The following CADM2 variants were observed in gnomAD, a reference collection of about 807,000 sequenced individuals.
CADM2 encodes the protein cell adhesion molecule 2, also known as immunoglobulin superfamily member 4D.
A neutral mutation model predicts 49.8 loss-of-function variants in CADM2; 12 were observed. The ratio of observed to expected loss-of-function variants is 0.24; its 90% CI spans 0.15 to 0.39. The LOEUF is 0.39. Among genes scored for constraint, CADM2 ranks in the 10% least tolerant of loss-of-function variants. The pLI, the probability that CADM2 is intolerant of heterozygous loss-of-function variation, is 1.00. For synonymous variants in CADM2, 214 were observed against 175.4 expected (o/e 1.22, Z -1.74); for missense variants, 378 against 492.3 (o/e 0.77, Z 2.20).
chr3:85,314,184 T>G (rs972666310), intron 1 of CADM2, among the ~76,000 whole-genome samples: 2 of 152,176 alleles, frequency 1.3e-5, no homozygotes, highest in Non-Finnish European at 1.5e-5. Flanking sequence ...CACCGCGCCC[T>G]GCCTGTACAT....
rs945187623 is a variant in CADM2 at position 86,025,069 on chromosome 3, T to C, written c.971-40536T>C. ...AGTTGTTTTTTTTTGTTTTGTTTTGTTTTGGAGACGGAGTCTCTCTCTGTC... is the reference window on the plus strand; with the variant it reads ...AGTTGTTTTTTTTTGTTTTGTTTTGCTTTGGAGACGGAGTCTCTCTCTGTC... On this transcript the variant is annotated intron_variant, in intron 8 of 9. Coordinates refer to ENST00000383699, the MANE Select transcript of CADM2 (RefSeq NM_001167675.2). Among the ~76,000 whole-genome samples the C allele has an allele frequency of 2.0e-5, 3 of 151,708 alleles. No individual in the cohort carries two copies. In the South Asian group the frequency reaches 6.2e-4, roughly 32 times the overall value.
intron 8 of CADM2, among the ~76,000 whole-genome samples, chr3:85,995,067 C>T (rs148265421): frequency 1.0e-3 from 114 of 113,986 alleles, no homozygotes; most frequent in Middle Eastern, 5.4e-3. Context: ...AAGTGAAGCA[C>T]AATAAAATGA....
chr3:85,079,263 T>C (rs567597858), intron 1 of CADM2, among the ~76,000 whole-genome samples: 2 of 151,968 alleles, frequency 1.3e-5, no homozygotes, highest in African/African-American at 4.8e-5. Context: ...CTATTTTATT[T>C]ATAACAGTTA....
intron 8 of CADM2, among the ~76,000 whole-genome samples, chr3:86,059,019 A>G (rs1738313263): frequency 6.6e-6 from 1 of 150,640 alleles, no homozygotes; most frequent in African/African-American, 2.4e-5. Context: ...GCTTGAACCC[A>G]GGAGGCGGAG....
Position 85,886,197 on chromosome 3 carries a change from T to G in CADM2, c.399T>G (p.Pro133=). 2 of 1,612,818 alleles carry G rather than the reference T, an allele frequency of 1.2e-6. No homozygotes were observed. The change falls in exon 5 of 10, where the codon CCT becomes CCG. Residue 133 remains proline, a synonymous_variant. Coordinates refer to ENST00000383699, the MANE Select transcript of CADM2 (RefSeq NM_001167675.2). Reference sequence around the variant, plus strand: ...CATTCGCTTAAATTTCAGGTGTTCCTGAAAAGCCTCAGATTAGTGGATTCT... The same window carrying G: ...CATTCGCTTAAATTTCAGGTGTTCCGGAAAAGCCTCAGATTAGTGGATTCT... The part of the protein sequence containing the change: ...SKAYLTVLGV[P]EKPQISGFSS...
intron 1 of CADM2, among the ~76,000 whole-genome samples, chr3:85,073,257 A>G (rs1284507767): frequency 6.6e-6 from 1 of 152,146 alleles, no homozygotes; most frequent in East Asian, 1.9e-4. Flanking sequence ...AAGGTGAGTT[A>G]CAGTAAGATA....
chr3:85,775,215 C>A (rs1389936726), intron 2 of CADM2, among the ~76,000 whole-genome samples: 1 of 151,690 alleles, frequency 6.6e-6, no homozygotes, highest in Non-Finnish European at 1.5e-5. Context: ...CAAGTTAAAA[C>A]CCAAATTTCT....
At chr3:85,111,490 T>A (rs1245033353) in intron 1 of CADM2, among the ~76,000 whole-genome samples, 1 of 151,880 alleles carries the variant, frequency 6.6e-6, no homozygotes, top group African/African-American at 2.4e-5. Context: ...GAGATCATTA[T>A]GTTAAGTGAA....
intron 8 of CADM2, among the ~76,000 whole-genome samples, chr3:86,050,919 C>T (rs1056041326): frequency 5.9e-5 from 9 of 152,136 alleles, no homozygotes; most frequent in African/African-American, 4.8e-5. Context: ...AGGCCTTTTC[C>T]GTATTGTCTT....
At chr3:85,071,399 G>A (rs1270219480) in intron 1 of CADM2, among the ~76,000 whole-genome samples, 3 of 151,876 alleles carry the variant, frequency 2.0e-5, no homozygotes, top group Non-Finnish European at 2.9e-5. Flanking sequence ...TTGCCTGTGC[G>A]TTTAACTAAA....
intron 7 of CADM2, among the ~76,000 whole-genome samples, chr3:85,937,803 T>C (rs1244512256): frequency 6.6e-6 from 1 of 151,984 alleles, no homozygotes; most frequent in Non-Finnish European, 1.5e-5. Flanking sequence ...GCATGAGTTC[T>C]TAACCATATA....
intron 1 of CADM2, among the ~76,000 whole-genome samples, chr3:85,653,031 C>T (rs2065099866): frequency 1.3e-5 from 2 of 151,588 alleles, no homozygotes. Context: ...CCTCTGCCTC[C>T]CAAAGTGCTG....
intron 8 of CADM2, among the ~76,000 whole-genome samples, chr3:86,007,288 A>G (rs1017813938): frequency 6.6e-6 from 1 of 152,152 alleles, no homozygotes; most frequent in Non-Finnish European, 1.5e-5. Flanking sequence ...AAATACATAT[A>G]GTAAAAATGA....
chr3:85,954,338 T>C (rs1723790853), intron 7 of CADM2, among the ~76,000 whole-genome samples: 1 of 151,020 alleles, frequency 6.6e-6, no homozygotes. Flanking sequence ...ACCCTTAGTG[T>C]AGTTTTAAAA....
At chr3:86,048,457 T>A (rs1439969487) in intron 8 of CADM2, among the ~76,000 whole-genome samples, 7 of 152,032 alleles carry the variant, frequency 4.6e-5, no homozygotes, top group Non-Finnish European at 8.8e-5. Context: ...TTCCACAATT[T>A]TATTGCTTGA....
intron 1 of CADM2, among the ~76,000 whole-genome samples, chr3:85,403,076 A>G (rs571810054): frequency 2.0e-5 from 3 of 152,214 alleles, no homozygotes; most frequent in Non-Finnish European, 4.4e-5. Flanking sequence ...CTAGGTATTA[A>G]TAGTATTTTT....
intron 1 of CADM2, among the ~76,000 whole-genome samples, chr3:85,191,945 T>TTGTGTGTGTGTGTGTGTGTG (rs3085115): frequency 1.8e-4 from 27 of 149,106 alleles, no homozygotes; most frequent in South Asian, 6.4e-4. Context: ...GATGAAACAG[T>TTGTGTGTGTGTGTGTGTGTG]TGTGTGTGTG....
At chr3:85,152,521 C>T (rs2039957061) in intron 1 of CADM2, among the ~76,000 whole-genome samples, 1 of 152,160 alleles carries the variant, frequency 6.6e-6, no homozygotes, top group African/African-American at 2.4e-5. Flanking sequence ...TTTAGTTTCT[C>T]AATACTAATA....
At chr3:85,445,166 T>G (rs6797581) in intron 1 of CADM2, among the ~76,000 whole-genome samples, 123,981 of 152,054 alleles carry the variant, frequency 0.82, 51,474 homozygotes, top group East Asian at 0.95. Flanking sequence ...TCAATGATTT[T>G]CCTAAGGAAA....
Sources: gnomAD v4.1 joint callset for allele counts (sites outside exome capture counted in the v4.1 genomes callset) on GRCh38, gnomAD v4.1.1 for gene constraint, MANE v1.5 for transcripts, NCBI Gene and HGNC (gene_info 2026-07-23, HGNC 2026-07-21) for gene names.